TAFA2: variants seen among roughly 807,000 people sequenced by gnomAD.
TAFA2 encodes the protein TAFA chemokine like family member 2.
TAFA2 carries 7 observed loss-of-function variants against 18.8 expected under a neutral mutation model. The ratio of observed to expected loss-of-function variants is 0.37; its 90% CI spans 0.21 to 0.70. The LOEUF is 0.70. Among genes scored for constraint, TAFA2 ranks in the 30% least tolerant of loss-of-function variants. TAFA2 has a pLI of 0.53. For synonymous variants in TAFA2, 60 were observed against 54.2 expected, an observed-to-expected ratio of 1.11 and a Z score of -0.47; for missense variants, 122 against 158.1, an observed-to-expected ratio of 0.77 and a Z score of 1.23.
chr12:61,985,931 T>C (rs1478997190), intron 1 of TAFA2, among the ~76,000 whole-genome samples: 2 of 152,164 alleles, frequency 1.3e-5, no homozygotes, highest in South Asian at 2.1e-4. Context: ...TTGGTAATCA[T>C]AGCTCTGGAC....
chr12:61,836,061 T>C (rs1872907013), intron 2 of TAFA2, among the ~76,000 whole-genome samples: 1 of 152,002 alleles, frequency 6.6e-6, no homozygotes, highest in African/African-American at 2.4e-5. Context: ...CTTAGACTAA[T>C]GGATTCCCCC....
chr12:62,055,760 T>G (rs923774118), intron 1 of TAFA2, among the ~76,000 whole-genome samples: 1 of 152,130 alleles, frequency 6.6e-6, no homozygotes, highest in African/African-American at 2.4e-5. Context: ...AGTAAAATGA[T>G]AGACTAGAAA....
chr12:61,712,039 G>A (rs964426265), intron 4 of TAFA2, among the ~76,000 whole-genome samples: 1 of 151,912 alleles, frequency 6.6e-6, no homozygotes, highest in Non-Finnish European at 1.5e-5. Flanking sequence ...GAAAAGAGAG[G>A]GGAAGCTATA....
Position 62,188,055 on chromosome 12 carries a change from A to G in TAFA2, c.-2+3204T>C, listed in dbSNP as rs555909502. On this transcript the variant is annotated intron_variant, in intron 1 of 4. Coordinates refer to ENST00000416284, the MANE Select transcript of TAFA2 (RefSeq NM_178539.5). ...ATTTTGTGTAAGCATGTGGCCAGAT[A>G]TGAAGTTGATGCAGCTGGTTTGGCC... 1.0e-3 allele frequency among the ~76,000 whole-genome samples: 153 copies of G among 152,330 alleles called. 2 individuals are homozygous for G. The highest frequency in any genetic ancestry group is 3.5e-3 in the African/African-American group (144 of 41,582).
rs528281327 is a variant in TAFA2 at position 62,148,142 on chromosome 12, G to A, written c.-2+43117C>T. Among the ~76,000 whole-genome samples, 32 of 152,256 alleles carry A rather than the reference G, an allele frequency of 2.1e-4. No homozygotes were observed. The East Asian group carries it at 5.4e-3, about 26-fold the overall frequency. Reference sequence around the variant, plus strand: ...AATGCAAATTATTAAAGTTCCTGTGGAAACCAGTTTGAGATTTCTCAAAAA... The same window carrying A: ...AATGCAAATTATTAAAGTTCCTGTGAAAACCAGTTTGAGATTTCTCAAAAA... On this transcript the variant is annotated intron_variant, in intron 1 of 4. Transcript: ENST00000416284.
intron 1 of TAFA2, among the ~76,000 whole-genome samples, chr12:62,251,690 C>G (rs1350005189): frequency 6.6e-6 from 1 of 152,168 alleles, no homozygotes; most frequent in Non-Finnish European, 1.5e-5. Flanking sequence ...CCCACTGAAG[C>G]TAGATTGCTC....
At chr12:62,061,900 T>C (rs1882358610) in intron 1 of TAFA2, among the ~76,000 whole-genome samples, 1 of 152,144 alleles carries the variant, frequency 6.6e-6, no homozygotes, top group Non-Finnish European at 1.5e-5. Context: ...ATGAGAGTAC[T>C]GAGCTATTTA....
intron 1 of TAFA2, among the ~76,000 whole-genome samples, chr12:61,904,428 A>G (rs1208462771): frequency 6.6e-6 from 1 of 152,170 alleles, no homozygotes; most frequent in Non-Finnish European, 1.5e-5. Context: ...GTACTTAAGC[A>G]TATTACATGT....
At chr12:61,975,247 T>G (rs1879387848) in intron 1 of TAFA2, among the ~76,000 whole-genome samples, 1 of 151,714 alleles carries the variant, frequency 6.6e-6, no homozygotes, top group Non-Finnish European at 1.5e-5. Context: ...GACATATTCA[T>G]CTGATATAAG....
At chr12:62,125,133 T>C (rs1870396375) in intron 1 of TAFA2, among the ~76,000 whole-genome samples, 1 of 152,156 alleles carries the variant, frequency 6.6e-6, no homozygotes, top group Admixed American at 6.6e-5. Flanking sequence ...GCACCTGAGT[T>C]GTAAAACAGA....
At chr12:61,802,535 T>C (rs1871441046) in intron 2 of TAFA2, among the ~76,000 whole-genome samples, 1 of 151,954 alleles carries the variant, frequency 6.6e-6, no homozygotes, top group Non-Finnish European at 1.5e-5. Context: ...TTCTCACTCA[T>C]ATGAGGGAGC....
chr12:61,992,771 G>A (rs1004964354), intron 1 of TAFA2, among the ~76,000 whole-genome samples: 11 of 152,098 alleles, frequency 7.2e-5, no homozygotes, highest in African/African-American at 2.7e-4. Flanking sequence ...CCCTATGCAA[G>A]AAGACAAGCT....
intron 1 of TAFA2, among the ~76,000 whole-genome samples, chr12:62,097,605 A>ATGGC (rs1565743292): frequency 6.6e-6 from 1 of 152,182 alleles, no homozygotes; most frequent in African/African-American, 2.4e-5. Context: ...TATATTTTAA[A>ATGGC]TGGCTGTCTT....
chr12:61,791,029 G>T (rs1304861219), intron 2 of TAFA2, among the ~76,000 whole-genome samples: 1 of 151,586 alleles, frequency 6.6e-6, no homozygotes, highest in Non-Finnish European at 1.5e-5. Flanking sequence ...CCAATGGAAC[G>T]GAAGAGCAAG....
intron 1 of TAFA2, among the ~76,000 whole-genome samples, chr12:62,047,766 G>T (rs923166230): frequency 1.7e-4 from 26 of 152,042 alleles, no homozygotes; most frequent in African/African-American, 4.6e-4. Context: ...ATAACCTTTT[G>T]TGCCTACCTC....
intron 4 of TAFA2, among the ~76,000 whole-genome samples, chr12:61,729,033 A>AT (rs57085801): frequency 0.46 from 68,437 of 149,734 alleles, 15,578 homozygotes; most frequent in Admixed American, 0.56. Context: ...TTCTTGGCTG[A>AT]TTTTTTTTTT....
chr12:61,877,776 A>C (rs570306714), intron 1 of TAFA2, among the ~76,000 whole-genome samples: 107 of 152,104 alleles, frequency 7.0e-4, no homozygotes, highest in African/African-American at 2.2e-3. Flanking sequence ...CTGAGTTAAC[A>C]CTCTTCTTGC....
intron 2 of TAFA2, among the ~76,000 whole-genome samples, chr12:61,827,738 A>G (rs1872578327): frequency 6.6e-6 from 1 of 152,028 alleles, no homozygotes; most frequent in Admixed American, 6.6e-5. Flanking sequence ...AATATTTAAC[A>G]TTTTATTTTC....
At chr12:61,784,076 A>G (rs1039808808) in intron 2 of TAFA2, among the ~76,000 whole-genome samples, 2 of 151,544 alleles carry the variant, frequency 1.3e-5, no homozygotes, top group Non-Finnish European at 3.0e-5. Flanking sequence ...TTGGGGAGCT[A>G]TGTTTTCTCC....
Sources: allele counts gnomAD v4.1 joint callset (sites outside exome capture counted in the v4.1 genomes callset), GRCh38; gene constraint gnomAD v4.1.1; transcripts MANE v1.5; gene names NCBI Gene and HGNC (gene_info 2026-07-23, HGNC 2026-07-21).